The following ZNF131 variants were observed in gnomAD, a reference collection of about 807,000 sequenced individuals.
The protein encoded by ZNF131 is zinc finger protein 131.
Under a neutral mutation model 60.0 loss-of-function variants are expected in ZNF131, and 7 were observed. That is an observed-to-expected ratio of 0.12 (90% CI 0.07 to 0.22). ZNF131 has a LOEUF of 0.22. Ranked by LOEUF, ZNF131 falls within the 10% of genes least tolerant of loss-of-function variation. The pLI is 1.00. For missense variants in ZNF131, 493 were observed against 740.9 expected, an observed-to-expected ratio of 0.67 and a Z score of 3.88; for synonymous variants, 257 against 253.2, an observed-to-expected ratio of 1.01 and a Z score of -0.14.
chr5:43,155,181 G>A (rs1748803805), intron 4 of ZNF131, among the ~76,000 whole-genome samples: 2 of 152,250 alleles, frequency 1.3e-5, no homozygotes, highest in South Asian at 4.1e-4. Flanking sequence ...ACTTTTTCAT[G>A]ATGGCTGAGG....
intron 3 of ZNF131, among the ~76,000 whole-genome samples, chr5:43,137,452 C>T (rs1746266801): frequency 6.6e-6 from 1 of 151,710 alleles, no homozygotes; most frequent in African/African-American, 2.4e-5. Context: ...CTTGAATAGA[C>T]ATTTCTCCAA....
intron 4 of ZNF131, among the ~76,000 whole-genome samples, chr5:43,155,990 C>A (rs1034085433): frequency 3.3e-5 from 5 of 152,160 alleles, no homozygotes; most frequent in African/African-American, 1.2e-4. Flanking sequence ...TGCACTAAAT[C>A]CTGACCTCAC....
intron 4 of ZNF131, among the ~76,000 whole-genome samples, chr5:43,156,658 C>T (rs1171505293): frequency 6.6e-6 from 1 of 152,140 alleles, no homozygotes; most frequent in East Asian, 1.9e-4. Flanking sequence ...TTCATTGGCT[C>T]CCTGCATATT....
intron 5 of ZNF131, among the ~76,000 whole-genome samples, chr5:43,166,432 C>T (rs746810453): frequency 1.3e-5 from 2 of 151,632 alleles, no homozygotes; most frequent in African/African-American, 2.4e-5. Flanking sequence ...GCGATCTCGG[C>T]TCACTGCAAG....
chr5:43,141,999 C>A (rs994942294), intron 4 of ZNF131, among the ~76,000 whole-genome samples: 1 of 151,864 alleles, frequency 6.6e-6, no homozygotes, highest in Non-Finnish European at 1.5e-5. Flanking sequence ...CATGCATGAG[C>A]CTTATTTTAC....
chr5:43,125,460 T>C (rs1234802123), intron 3 of ZNF131, among the ~76,000 whole-genome samples: 1 of 150,898 alleles, frequency 6.6e-6, no homozygotes, highest in Admixed American at 6.6e-5. Flanking sequence ...ACTGGCCAAG[T>C]CTGAGCAGAA....
chr5:43,126,706 TC>T (rs1402007599), intron 3 of ZNF131, among the ~76,000 whole-genome samples: 1 of 152,192 alleles, frequency 6.6e-6, no homozygotes, highest in Non-Finnish European at 1.5e-5. Flanking sequence ...TCCATACTCT[TC>T]CGATCATCGT....
chr5:43,170,952 T>A (rs192662034), intron 5 of ZNF131, among the ~76,000 whole-genome samples: 16 of 150,344 alleles, frequency 1.1e-4, no homozygotes, highest in Admixed American at 2.0e-4. Context: ...AATTTTTTTT[T>A]AAATTTTTTT....
chr5:43,167,843 C>T (rs1750546794), intron 5 of ZNF131: 1 of 330,956 alleles, frequency 3.0e-6, no homozygotes, highest in Admixed American at 3.8e-5. Flanking sequence ...ATGGAAGAGA[C>T]AAAGGTGATA....
At chr5:43,144,861 C>T (rs1196815314) in intron 4 of ZNF131, among the ~76,000 whole-genome samples, 1 of 151,582 alleles carries the variant, frequency 6.6e-6, no homozygotes, top group Admixed American at 6.6e-5. Flanking sequence ...CATCTGTCTG[C>T]TTGTTCATGG....
At chr5:43,122,215 T>C in intron 2 of ZNF131, 38 bp downstream of exon 2, 5 of 1,576,012 alleles carry the variant, frequency 3.2e-6, no homozygotes, top group African/African-American at 1.4e-5. Context: ...AATTTTTGGC[T>C]TCAGTTTTTT....
rs1433408545 is a variant in ZNF131, at chr5:43,171,239, C to T, written c.1055-2079C>T. 3.3e-5 allele frequency among the ~76,000 whole-genome samples: 5 copies of T among 152,164 alleles called. No individual in the cohort carries two copies. The East Asian group carries it at 9.7e-4, about 29-fold the overall frequency. ...CTAGGATCACAGGTGTGAGCCACCG[C>T]ACCTGGTCTGTCCCCTCTTCTTTTA... On this transcript the variant is annotated intron_variant, in intron 5 of 6. Transcript: ENST00000682664.
intron 5 of ZNF131, among the ~76,000 whole-genome samples, chr5:43,171,418 TAAAG>T (rs961314639): frequency 5.3e-5 from 8 of 152,254 alleles, no homozygotes; most frequent in Admixed American, 4.6e-4. Flanking sequence ...CCTCCTGGCT[TAAAG>T]AATCCTGTTA....
intron 3 of ZNF131, among the ~76,000 whole-genome samples, chr5:43,127,800 A>G (rs1302684836): frequency 6.6e-6 from 1 of 152,238 alleles, no homozygotes; most frequent in Non-Finnish European, 1.5e-5. Context: ...AATCTTCAAC[A>G]GACATTCATT....
chr5:43,124,012 T>A (rs1201508291), intron 3 of ZNF131: 1 of 152,340 alleles, frequency 6.6e-6, no homozygotes, highest in African/African-American at 2.4e-5. Flanking sequence ...TAGTCCCAGC[T>A]ACTCGGGAGG....
chr5:43,164,465 T>C (rs774729694), intron 5 of ZNF131, among the ~76,000 whole-genome samples: 7 of 152,250 alleles, frequency 4.6e-5, no homozygotes, highest in Non-Finnish European at 7.3e-5. Flanking sequence ...AAAATGATTG[T>C]TGTTATACCA....
chr5:43,163,340 T>C (rs1427960811), intron 5 of ZNF131, among the ~76,000 whole-genome samples: 1 of 152,174 alleles, frequency 6.6e-6, no homozygotes, highest in East Asian at 1.9e-4. Flanking sequence ...TAGTAGGCAG[T>C]ATATGTTCAT....
chr5:43,129,165 A>T (rs1305334316), intron 3 of ZNF131, among the ~76,000 whole-genome samples: 1 of 151,952 alleles, frequency 6.6e-6, no homozygotes, highest in Admixed American at 6.6e-5. Flanking sequence ...CAAACTCCTG[A>T]CCTAAAGTGA....
chr5:43,151,522 C>T (rs1478784547), intron 4 of ZNF131, among the ~76,000 whole-genome samples: 1 of 152,114 alleles, frequency 6.6e-6, no homozygotes, highest in Non-Finnish European at 1.5e-5. Context: ...GCAACCTCTG[C>T]CTTCTGGGCT....
Sources: gnomAD v4.1 joint callset for allele counts (sites outside exome capture counted in the v4.1 genomes callset) on GRCh38, gnomAD v4.1.1 for gene constraint, MANE v1.5 for transcripts, NCBI Gene and HGNC (gene_info 2026-07-23, HGNC 2026-07-21) for gene names.